Variants in SMARCAD1 observed in about 807,000 individuals in gnomAD.
SMARCAD1 encodes the protein SNF2 related chromatin remodeling ATPase with DExD box 1, also known as SWI/SNF-related matrix-associated actin-dependent regulator of chromatin subfamily A containing DEAD/H box 1.
SMARCAD1 carries 25 observed loss-of-function variants against 127.1 expected under a neutral mutation model. The observed-to-expected ratio is 0.20, with a 90% confidence interval of 0.14 to 0.27. The LOEUF is 0.27. Among genes scored for constraint, SMARCAD1 ranks in the 10% least tolerant of loss-of-function variants. SMARCAD1 has a pLI of 1.00. For synonymous variants in SMARCAD1, 400 were observed against 396.9 expected (o/e 1.01, Z -0.09); for missense variants, 807 against 1,206.0 (o/e 0.67, Z 4.90).
chr4:94,221,393 T>C (rs1365497449), intron 2 of SMARCAD1, among the ~76,000 whole-genome samples: 1 of 152,178 alleles, frequency 6.6e-6, no homozygotes, highest in Non-Finnish European at 1.5e-5. Flanking sequence ...GTTTCCACAT[T>C]GCAAATAACT....
At chr4:94,236,860 T>TTAGGAAC in intron 4 of SMARCAD1, 92 bp from the exon 5 acceptor site, 2 of 995,418 alleles carry the variant, frequency 2.0e-6, no homozygotes, top group Admixed American at 3.6e-5. Flanking sequence ...CTGTCATGTT[T>TTAGGAAC]ATATTTAATA....
chr4:94,234,178 G>T (rs1308992427), intron 4 of SMARCAD1, 56 bp downstream of exon 4: 1 of 1,470,022 alleles, frequency 6.8e-7, no homozygotes, highest in African/African-American at 1.4e-5. Flanking sequence ...CCTGCATTCA[G>T]TGCTATAGTT....
chr4:94,283,525 T>C (rs1011027993), intron 22 of SMARCAD1, among the ~76,000 whole-genome samples: 1 of 152,162 alleles, frequency 6.6e-6, no homozygotes, highest in African/African-American at 2.4e-5. Context: ...CTGCAGTTCA[T>C]GAAGTATTAA....
chr4:94,238,830 C>A (rs2125875958), intron 5 of SMARCAD1, among the ~76,000 whole-genome samples: 1 of 152,072 alleles, frequency 6.6e-6, no homozygotes, highest in East Asian at 1.9e-4. Context: ...TTGAGCAATT[C>A]ATCTTATTCA....
At chr4:94,214,442 T>G (rs1361749643) in intron 2 of SMARCAD1, among the ~76,000 whole-genome samples, 1 of 148,590 alleles carries the variant, frequency 6.7e-6, no homozygotes, top group Non-Finnish European at 1.5e-5. Flanking sequence ...TTTTTTTTTG[T>G]ATTTTTAGTA....
At chr4:94,255,602 C>T (rs1749952512) in intron 9 of SMARCAD1, among the ~76,000 whole-genome samples, 1 of 151,580 alleles carries the variant, frequency 6.6e-6, no homozygotes. Context: ...ATTAATATTA[C>T]CTACTTGGTA....
intron 4 of SMARCAD1, among the ~76,000 whole-genome samples, chr4:94,235,029 A>G (rs1198293153): frequency 6.6e-6 from 1 of 152,130 alleles, no homozygotes; most frequent in Non-Finnish European, 1.5e-5. Context: ...ATAAAGCCAT[A>G]AGGCTGGATT....
At chr4:94,243,238 C>G (rs1348432515) in intron 6 of SMARCAD1, among the ~76,000 whole-genome samples, 1 of 152,188 alleles carries the variant, frequency 6.6e-6, no homozygotes, top group Non-Finnish European at 1.5e-5. Context: ...TGTGCCCAAC[C>G]TATCAGGTCA....
intron 7 of SMARCAD1, 78 bp from the exon 8 acceptor site, chr4:94,250,674 T>C: frequency 2.1e-6 from 2 of 931,346 alleles, no homozygotes; most frequent in Non-Finnish European, 1.6e-6. Flanking sequence ...GATTAACTTA[T>C]TTTTAAAAGA....
chr4:94,224,083 T>C (rs1744623479), intron 2 of SMARCAD1, among the ~76,000 whole-genome samples: 1 of 152,192 alleles, frequency 6.6e-6, no homozygotes, highest in Admixed American at 6.5e-5. Flanking sequence ...GAGTTTGGAC[T>C]GTTTTATTAC....
intron 2 of SMARCAD1, among the ~76,000 whole-genome samples, chr4:94,225,261 G>A (rs1458114446): frequency 6.6e-6 from 1 of 151,962 alleles, no homozygotes; most frequent in African/African-American, 2.4e-5. Flanking sequence ...AGATCAAGTT[G>A]GCATGTGTTT....
Position 94,208,327 on chromosome 4 carries a change from C to T in SMARCAD1, c.-49-19C>T, listed in dbSNP as rs1371417208. Reference sequence around the variant, plus strand: ...TTGTTTTCATGGCCTTTTTTCCTCTCTTTATTTTTCCCCTGCAGATAGTTC... The same window carrying T: ...TTGTTTTCATGGCCTTTTTTCCTCTTTTTATTTTTCCCCTGCAGATAGTTC... On this transcript the variant is annotated intron_variant, in intron 1 of 23. Transcript: ENST00000354268. 10 of 1,534,992 alleles carry T rather than the reference C, an allele frequency of 6.5e-6. No individual in the cohort carries two copies. Among genetic ancestry groups the T allele is most frequent in the Non-Finnish European group, 9.0e-6 (10 of 1,109,860 alleles).
chr4:94,220,704 C>T (rs1743982829), intron 2 of SMARCAD1, among the ~76,000 whole-genome samples: 1 of 152,200 alleles, frequency 6.6e-6, no homozygotes, highest in Non-Finnish European at 1.5e-5. Flanking sequence ...CAAAAGCAAT[C>T]ATAGGTAAAA....
chr4:94,245,552 C>T (rs546127513), intron 6 of SMARCAD1, among the ~76,000 whole-genome samples: 1 of 152,308 alleles, frequency 6.6e-6, no homozygotes, highest in East Asian at 1.9e-4. Flanking sequence ...AGACATAACA[C>T]AAGGACAGTG....
rs142459111 is a variant in SMARCAD1 at position 94,209,548 on chromosome 4, T to G, written c.190+964T>G. 4.9e-3 allele frequency among the ~76,000 whole-genome samples: 743 copies of G among 152,336 alleles called. 3 individuals are homozygous for G. The highest frequency in any genetic ancestry group is 0.017 in the African/African-American group (702 of 41,588). The stretch of plus-strand genomic sequence containing the variant: ...TTTAACTTAATGTAGCCTGAAAGAT[T>G]GGTAACACACATGTTTATCCTTGGT... On this transcript the variant is annotated intron_variant, in intron 2 of 23. Coordinates refer to ENST00000354268, the MANE Select transcript of SMARCAD1 (RefSeq NM_020159.5).
intron 14 of SMARCAD1, among the ~76,000 whole-genome samples, chr4:94,275,890 C>A (rs914511999): frequency 6.7e-6 from 1 of 149,700 alleles, no homozygotes; most frequent in South Asian, 2.1e-4. Flanking sequence ...TCTTGCCTCC[C>A]GGGTTCACGC....
chr4:94,216,893 T>G (rs913854081), intron 2 of SMARCAD1, among the ~76,000 whole-genome samples: 2 of 152,226 alleles, frequency 1.3e-5, no homozygotes, highest in African/African-American at 4.8e-5. Flanking sequence ...TAAACATGAA[T>G]GTGTAAATAT....
intron 9 of SMARCAD1, among the ~76,000 whole-genome samples, chr4:94,262,348 C>G (rs981072049): frequency 1.3e-5 from 2 of 152,186 alleles, no homozygotes; most frequent in African/African-American, 4.8e-5. Context: ...AGGCTTAACT[C>G]TTCATTCATC....
At chr4:94,212,877 C>T (rs1742507294) in intron 2 of SMARCAD1, among the ~76,000 whole-genome samples, 1 of 151,986 alleles carries the variant, frequency 6.6e-6, no homozygotes, top group South Asian at 2.1e-4. Context: ...GGACATCCTC[C>T]CTAATGCCCC....
Sources: gnomAD v4.1 joint callset for allele counts (sites outside exome capture counted in the v4.1 genomes callset) on GRCh38, gnomAD v4.1.1 for gene constraint, MANE v1.5 for transcripts, NCBI Gene and HGNC (gene_info 2026-07-23, HGNC 2026-07-21) for gene names.